REC114: variants seen among roughly 807,000 people sequenced by gnomAD.
REC114 encodes meiotic recombination protein REC114.
Under a neutral mutation model 31.3 loss-of-function variants are expected in REC114, and 27 were observed. That is an observed-to-expected ratio of 0.86 (90% confidence interval 0.64 to 1.19). The LOEUF (loss-of-function observed/expected upper bound fraction) is 1.19. Ranked by LOEUF, REC114 falls within the 50% of genes most tolerant of loss-of-function variation. The pLI, the probability that REC114 is intolerant of heterozygous loss-of-function variation, is 0.00. For synonymous variants in REC114, 134 were observed against 127.7 expected (o/e 1.05, Z -0.33); for missense variants, 344 against 326.9 (o/e 1.05, Z -0.40).
intron 2 of REC114, among the ~76,000 whole-genome samples, chr15:73,534,684 G>C (rs1050194716): frequency 5.9e-5 from 9 of 152,156 alleles, no homozygotes; most frequent in African/African-American, 1.9e-4. Flanking sequence ...ATTTTATGAA[G>C]CCAGCATCAT....
intron 2 of REC114, among the ~76,000 whole-genome samples, chr15:73,523,050 A>G (rs1260402834): frequency 6.6e-6 from 1 of 152,040 alleles, no homozygotes; most frequent in East Asian, 1.9e-4. Flanking sequence ...TAATGTGTTT[A>G]TTGGCCATTA....
chr15:73,544,050 A>G (rs1566948795), intron 3 of REC114, among the ~76,000 whole-genome samples: 2 of 151,058 alleles, frequency 1.3e-5, no homozygotes, highest in African/African-American at 2.4e-5. Flanking sequence ...GGCTCAAACA[A>G]TCCTTCCGCC....
chr15:73,510,215 G>A (rs1464542210), intron 2 of REC114, among the ~76,000 whole-genome samples: 1 of 152,116 alleles, frequency 6.6e-6, no homozygotes, highest in Non-Finnish European at 1.5e-5. Flanking sequence ...TTGTGAATGG[G>A]AGTTCACTTA....
intron 2 of REC114, among the ~76,000 whole-genome samples, chr15:73,499,486 A>G (rs1343207823): frequency 6.6e-6 from 1 of 152,136 alleles, no homozygotes; most frequent in East Asian, 1.9e-4. Context: ...TAGTTTTAAC[A>G]TTTGAGTTCC....
At chr15:73,450,287 A>G (rs1388645476) in intron 1 of REC114, among the ~76,000 whole-genome samples, 1 of 152,182 alleles carries the variant, frequency 6.6e-6, no homozygotes, top group African/African-American at 2.4e-5. Context: ...AAAGGGATGG[A>G]GGAATATTTA....
chr15:73,480,035 C>T (rs897834503), intron 2 of REC114, among the ~76,000 whole-genome samples: 1 of 152,050 alleles, frequency 6.6e-6, no homozygotes, highest in Non-Finnish European at 1.5e-5. Flanking sequence ...ATGGCTATAC[C>T]AATTTACATT....
chr15:73,461,277 T>A (rs986179239), intron 1 of REC114, among the ~76,000 whole-genome samples: 4 of 152,104 alleles, frequency 2.6e-5, no homozygotes, highest in African/African-American at 9.7e-5. Context: ...TTTGTTGAAA[T>A]AATTTATGAG....
At chr15:73,547,380 A>G (rs1406543355) in intron 3 of REC114, among the ~76,000 whole-genome samples, 2 of 152,198 alleles carry the variant, frequency 1.3e-5, no homozygotes, top group East Asian at 3.9e-4. Flanking sequence ...CTTTTATCCA[A>G]AAGCCAGGCA....
chr15:73,530,747 A>T (rs1024054098), intron 2 of REC114, among the ~76,000 whole-genome samples: 4 of 149,658 alleles, frequency 2.7e-5, no homozygotes, highest in African/African-American at 9.8e-5. Context: ...CTTATCATGG[A>T]TTTTTTTTTT....
chr15:73,459,793 T>C (rs1892965775), intron 1 of REC114, among the ~76,000 whole-genome samples: 1 of 152,206 alleles, frequency 6.6e-6, no homozygotes, highest in African/African-American at 2.4e-5. Flanking sequence ...GTTGCAGATA[T>C]TGGCTTCTCT....
intron 2 of REC114, among the ~76,000 whole-genome samples, chr15:73,531,479 A>T (rs1478760133): frequency 6.6e-6 from 1 of 152,200 alleles, no homozygotes; most frequent in Non-Finnish European, 1.5e-5. Context: ...TGAAAAGCAA[A>T]GCTTGAGATT....
chr15:73,447,647 CAAAA>C lies in REC114; in HGVS notation c.159+4304_159+4307del, dbSNP rs1458233266. 4.5e-5 allele frequency among the ~76,000 whole-genome samples: 4 copies of C among 89,288 alleles called. No individual in the cohort carries two copies. The Admixed American group carries it at 4.9e-4, about 11-fold the overall frequency. The allele number at this position is 89,288 out of a possible 152,430, so 58.6% of individuals were successfully genotyped here. On this transcript the variant is annotated intron_variant, in intron 1 of 5. Coordinates refer to ENST00000331090, the MANE Select transcript of REC114 (RefSeq NM_001042367.2). Reference sequence around the variant, plus strand: ...TGGGCAACAGAGTGAGACTCTGTCTCAAAATAAATAAATAAATAAATAAATAAAT... The same window carrying C: ...TGGGCAACAGAGTGAGACTCTGTCTCTAAATAAATAAATAAATAAATAAAT...
chr15:73,473,969 C>A, intron 2 of REC114, 48 bp downstream of exon 2: 1 of 1,220,950 alleles, frequency 8.2e-7, no homozygotes, highest in Non-Finnish European at 1.2e-6. Context: ...TCTTTGTCTT[C>A]TTAGCTTTAC....
intron 2 of REC114, among the ~76,000 whole-genome samples, chr15:73,474,390 A>C (rs1027509586): frequency 1.3e-5 from 2 of 152,208 alleles, no homozygotes; most frequent in Admixed American, 6.5e-5. Context: ...CACTTTAGGA[A>C]ATTTTGGAAT....
At chr15:73,453,834 C>G (rs889573073) in intron 1 of REC114, among the ~76,000 whole-genome samples, 44 of 152,052 alleles carry the variant, frequency 2.9e-4, no homozygotes, top group African/African-American at 1.0e-3. Context: ...ATGGATGAAG[C>G]TGGAAACCAT....
chr15:73,455,178 A>G (rs1489262633), intron 1 of REC114, among the ~76,000 whole-genome samples: 1 of 152,096 alleles, frequency 6.6e-6, no homozygotes, highest in South Asian at 2.1e-4. Context: ...CACTGGGACT[A>G]TTGTGCAGTA....
intron 2 of REC114, among the ~76,000 whole-genome samples, chr15:73,531,396 A>T (rs1224603916): frequency 6.6e-6 from 1 of 152,148 alleles, no homozygotes; most frequent in Non-Finnish European, 1.5e-5. Context: ...AGTCTTCATT[A>T]TGTATGATAG....
At chr15:73,461,905 C>G (rs896479946) in intron 1 of REC114, among the ~76,000 whole-genome samples, 1 of 78,258 alleles carries the variant, frequency 1.3e-5, no homozygotes, top group Middle Eastern at 0.01. Context: ...TAACATTTTT[C>G]TTTTTCTTTT....
intron 2 of REC114, among the ~76,000 whole-genome samples, chr15:73,538,361 TAAATA>T (rs1218566842): frequency 6.6e-6 from 1 of 151,892 alleles, no homozygotes; most frequent in African/African-American, 2.4e-5. Context: ...TATAGTTGGC[TAAATA>T]AAATATTAAA....
Sources: gnomAD v4.1 joint callset for allele counts (sites outside exome capture counted in the v4.1 genomes callset) on GRCh38, gnomAD v4.1.1 for gene constraint, MANE v1.5 for transcripts, NCBI Gene and HGNC (gene_info 2026-07-23, HGNC 2026-07-21) for gene names.